The following SLC12A6 variants were observed in gnomAD, a reference collection of about 807,000 sequenced individuals.
The protein encoded by SLC12A6 is K-Cl cotransporter 3.
Under a neutral mutation model 135.3 loss-of-function variants are expected in SLC12A6, and 66 were observed. That is an observed-to-expected ratio of 0.49 (90% confidence interval 0.40 to 0.60). The LOEUF (loss-of-function observed/expected upper bound fraction) is 0.60. Ranked by LOEUF, SLC12A6 falls within the 20% of genes least tolerant of loss-of-function variation. The pLI is 0.00. For synonymous variants in SLC12A6, 513 were observed against 508.8 expected (o/e 1.01, Z -0.11); for missense variants, 1,058 against 1,452.3 (o/e 0.73, Z 4.41).
intron 23 of SLC12A6, among the ~76,000 whole-genome samples, chr15:34,236,424 C>G (rs1891270307): frequency 6.6e-6 from 1 of 152,076 alleles, no homozygotes; most frequent in Admixed American, 6.5e-5. Flanking sequence ...TGGCTCACTG[C>G]AACCTCCGCC....
In SLC12A6 at chr15:34,248,269, A is replaced by AAAAT. The variant is rs530702500; in HGVS notation, c.1649+2025_1649+2028dup. Among the ~76,000 whole-genome samples, 18 of 152,250 alleles carry AAAAT rather than the reference A, an allele frequency of 1.2e-4. No homozygotes were observed. In the South Asian group the frequency reaches 1.2e-3, roughly 11 times the overall value. On this transcript the variant is annotated intron_variant, in intron 13 of 25. Transcript: ENST00000354181. ...TTATGAAGAGAAAATGAAGCAGGCA[A>AAAAT]AAATAAATAAATAAATAAATAAGAA...
At chr15:34,244,116 A>G in intron 15 of SLC12A6, 44 bp from the exon 16 acceptor site, 1 of 1,101,770 alleles carries the variant, frequency 9.1e-7, no homozygotes, top group Non-Finnish European at 1.4e-6. Flanking sequence ...CTGGAAGATG[A>G]TTCTTTGAAG....
intron 6 of SLC12A6, 70 bp from the exon 7 acceptor site, chr15:34,256,353 G>A (rs1159640010): frequency 9.3e-7 from 1 of 1,079,240 alleles, no homozygotes; most frequent in Non-Finnish European, 1.4e-6. Context: ...TTCTCCATTT[G>A]TGTTCCAAGA....
At chr15:34,316,871 G>T (rs347863) in intron 2 of SLC12A6, among the ~76,000 whole-genome samples, 41 of 152,154 alleles carry the variant, frequency 2.7e-4, no homozygotes, top group Non-Finnish European at 5.3e-4. Flanking sequence ...AATGAAATGA[G>T]GTACAGATGG....
At chr15:34,308,289 G>A (rs1249951744) in intron 2 of SLC12A6, among the ~76,000 whole-genome samples, 1 of 151,942 alleles carries the variant, frequency 6.6e-6, no homozygotes, top group South Asian at 2.1e-4. Context: ...GCTGATAATT[G>A]CATCTTCCTA....
chr15:34,234,767 G>T (rs550414070), intron 25 of SLC12A6, among the ~76,000 whole-genome samples: 5 of 152,182 alleles, frequency 3.3e-5, no homozygotes, highest in Admixed American at 1.3e-4. Flanking sequence ...TGGGATGAAG[G>T]TATGAGGAAG....
Position 34,229,815 on chromosome 15 carries a change from A to C in SLC12A6, c.*4066T>G. The C allele has an allele frequency of 6.2e-7, 1 of 1,611,194 alleles. No individual in the cohort carries two copies. Among genetic ancestry groups the C allele is most frequent in the Non-Finnish European group, 8.5e-7 (1 of 1,177,334 alleles). The stretch of plus-strand genomic sequence containing the variant: ...CATGAGAAAGCAGCGCCTGGTCCCT[A>C]TGTATTTGGGTCTTATTTACATCCT... On this transcript the variant is annotated 3_prime_UTR_variant, in exon 26 of 26. Transcript: ENST00000354181.
In SLC12A6 at chr15:34,239,125, T is replaced by C; in HGVS notation, c.2472A>G (p.Lys824=). 6.2e-7 allele frequency: 1 copy of C among 1,613,618 alleles called. No homozygotes were observed. Among genetic ancestry groups the C allele is most frequent in the Non-Finnish European group, 8.5e-7 (1 of 1,179,526 alleles). ...IKHLMEAEKV[K]GFCQLVVAAK... is the part of the protein sequence containing the mutation. Reference sequence around the variant, plus strand: ...CGGCCACCACCAGCTGGCAGAATCCTTTTACCTTCTCTGCCTCCATTAGGT... The same window carrying C: ...CGGCCACCACCAGCTGGCAGAATCCCTTTACCTTCTCTGCCTCCATTAGGT... The change falls in exon 20 of 26, where the codon AAA becomes AAG. Residue 824 remains lysine (K), a synonymous_variant. Transcript: ENST00000354181.
intron 2 of SLC12A6, among the ~76,000 whole-genome samples, chr15:34,304,258 T>G (rs347849): frequency 0.35 from 53,881 of 152,014 alleles, 11,575 homozygotes; most frequent in African/African-American, 0.61. Flanking sequence ...TACTTTGTTT[T>G]TATTGCCAAA....
intron 6 of SLC12A6, 119 bp downstream of exon 6, chr15:34,257,523 G>T (rs1014560385): frequency 4.7e-5 from 37 of 792,508 alleles, no homozygotes; most frequent in Non-Finnish European, 6.7e-5. Context: ...AATTTCTTCT[G>T]TTGAGATCAT....
chr15:34,277,019 T>A (rs1023498382), intron 2 of SLC12A6, among the ~76,000 whole-genome samples: 2 of 152,190 alleles, frequency 1.3e-5, no homozygotes, highest in African/African-American at 4.8e-5. Context: ...GGGATTTTTT[T>A]CCTTAATTTG....
intron 2 of SLC12A6, among the ~76,000 whole-genome samples, chr15:34,301,876 G>C (rs1896283326): frequency 6.6e-6 from 1 of 152,210 alleles, no homozygotes; most frequent in African/African-American, 2.4e-5. Flanking sequence ...ATAAGTATTA[G>C]ATTAACAGAG....
chr15:34,242,311 T>G lies in SLC12A6; in HGVS notation c.2043-90A>C, dbSNP rs74676364. ...GCTTCTCAAACTATCTGTGGTGAGG[T>G]ATTATTTTTTAAAAACTTTGAAACT... On this transcript the variant is annotated intron_variant, in intron 16 of 25. Transcript: ENST00000354181. 56,184 of 898,370 alleles carry G rather than the reference T, an allele frequency of 0.063. 2,149 individuals are homozygous for G. Among genetic ancestry groups the G allele is most frequent in the Middle Eastern group, 0.082 (256 of 3,120 alleles). The allele number at this position is 898,370 out of a possible 1,614,324, so 55.6% of individuals were successfully genotyped here.
At chr15:34,308,994 T>G (rs347856) in intron 2 of SLC12A6, among the ~76,000 whole-genome samples, 60,245 of 151,956 alleles carry the variant, frequency 0.4, 14,992 homozygotes, top group African/African-American at 0.72. Context: ...TAAATAATCT[T>G]CCTAATTTTT....
At position 34,332,449 on chromosome 15, in the gene SLC12A6, G is replaced by A. The variant is rs533418192; in HGVS notation, c.271+3961C>T. ...ACCAGACTGCCTCATACATACCAGCGTCTCAGGGAGTATCTGTTGACTTAT... is the reference window on the plus strand; with the variant it reads ...ACCAGACTGCCTCATACATACCAGCATCTCAGGGAGTATCTGTTGACTTAT... On this transcript the variant is annotated intron_variant, in intron 2 of 25. Coordinates refer to ENST00000354181, the MANE Select transcript of SLC12A6 (RefSeq NM_001365088.1). 9.2e-5 allele frequency among the ~76,000 whole-genome samples: 14 copies of A among 152,242 alleles called. No individual in the cohort carries two copies. The East Asian group carries it at 1.9e-3, about 21-fold the overall frequency.
At chr15:34,262,614 G>A (rs1036864357) in intron 3 of SLC12A6, among the ~76,000 whole-genome samples, 3 of 152,164 alleles carry the variant, frequency 2.0e-5, no homozygotes, top group African/African-American at 7.2e-5. Context: ...TTAACATGCC[G>A]CCATCCATGG....
At chr15:34,294,220 T>C (rs1000633604) in intron 2 of SLC12A6, among the ~76,000 whole-genome samples, 1 of 152,160 alleles carries the variant, frequency 6.6e-6, no homozygotes, top group African/African-American at 2.4e-5. Flanking sequence ...TGTCCACTGC[T>C]AATTTAAATA....
intron 2 of SLC12A6, among the ~76,000 whole-genome samples, chr15:34,283,066 G>A (rs2140924176): frequency 6.6e-6 from 1 of 152,360 alleles, no homozygotes; most frequent in South Asian, 2.1e-4. Context: ...TTAATAGCCG[G>A]GCACTGTGGC....
At chr15:34,270,137 T>C (rs750008124) in intron 3 of SLC12A6, among the ~76,000 whole-genome samples, 25 of 151,808 alleles carry the variant, frequency 1.6e-4, no homozygotes, top group Non-Finnish European at 2.6e-4. Context: ...AGTTGTGGGT[T>C]TTGTTTTGTT....
Sources: allele counts gnomAD v4.1 joint callset (sites outside exome capture counted in the v4.1 genomes callset), GRCh38; gene constraint gnomAD v4.1.1; transcripts MANE v1.5; gene names NCBI Gene and HGNC (gene_info 2026-07-23, HGNC 2026-07-21).